The following BACE2 variants were observed in gnomAD, a reference collection of about 807,000 sequenced individuals.
The protein encoded by BACE2 is 56 kDa aspartic-like protease.
In BACE2, 17 loss-of-function variants were observed where a neutral mutation model predicts 46.2. The observed-to-expected ratio is 0.37, with a 90% CI of 0.25 to 0.55. The LOEUF is 0.55. Ranked by LOEUF, BACE2 falls within the 20% of genes least tolerant of loss-of-function variation. The pLI is 0.82. For synonymous variants in BACE2, 277 were observed against 295.9 expected, an observed-to-expected ratio of 0.94 and a Z score of 0.66; for missense variants, 595 against 698.1, an observed-to-expected ratio of 0.85 and a Z score of 1.66.
intron 1 of BACE2, among the ~76,000 whole-genome samples, chr21:41,218,092 G>A (rs111568009): frequency 9.8e-5 from 15 of 152,306 alleles, no homozygotes; most frequent in East Asian, 9.6e-4. Context: ...AGTGAGTCCC[G>A]TTTTCCAGGA....
intron 8 of BACE2, among the ~76,000 whole-genome samples, chr21:41,267,371 A>G (rs940038009): frequency 1.3e-5 from 2 of 152,182 alleles, no homozygotes; most frequent in African/African-American, 4.8e-5. Context: ...CAAGTGTCCT[A>G]CGGCTACGAA....
At chr21:41,265,192 C>T (rs148325872) in intron 8 of BACE2, among the ~76,000 whole-genome samples, 430 of 145,820 alleles carry the variant, frequency 2.9e-3, no homozygotes, top group African/African-American at 0.01. Context: ...TTTTTTCAAG[C>T]CTCATAGTTT....
rs1296858901 is a variant in BACE2, at chr21:41,193,238, G to T, written c.312+24663G>T. Among the ~76,000 whole-genome samples the T allele has an allele frequency of 1.3e-5, 2 of 152,204 alleles. No homozygotes were observed. The highest frequency in any genetic ancestry group is 4.8e-5 in the African/African-American group (2 of 41,448). ...TGTATTGCCGGCCTTGCCAGCGGAA[G>T]GCAAATTGCTTCTGGTGGGCCTTAT... On this transcript the variant is annotated intron_variant, in intron 1 of 8. Transcript: ENST00000330333. This position sits in a 1 kb window ranked among gnomAD's most constrained non-coding sequence, Gnocchi z 4.2.
intron 1 of BACE2, 131 bp from the exon 2 acceptor site, chr21:41,226,132 GTCA>G: frequency 1.5e-6 from 1 of 658,520 alleles, no homozygotes; most frequent in South Asian, 2.0e-5. Flanking sequence ...TATTCTCCTC[GTCA>G]GTATACTTTT....
chr21:41,178,654 T>C (rs111859446), intron 1 of BACE2: 4,447 of 160,062 alleles, frequency 0.028, 203 homozygotes, highest in African/African-American at 0.097. Context: ...GGAGGATCAC[T>C]TGAGCTCAGG....
At chr21:41,256,656 C>T (rs1987794954) in intron 7 of BACE2, among the ~76,000 whole-genome samples, 1 of 152,274 alleles carries the variant, frequency 6.6e-6, no homozygotes, top group South Asian at 2.1e-4. Flanking sequence ...CTGGAAGCCC[C>T]ACTTTGACTT....
chr21:41,273,534 G>A (rs563479566), intron 8 of BACE2, among the ~76,000 whole-genome samples: 23 of 152,260 alleles, frequency 1.5e-4, no homozygotes, highest in African/African-American at 4.1e-4. Flanking sequence ...GCTCTGTTCC[G>A]CCCGGCTCTC....
At chr21:41,252,839 G>T (rs1987678484) in intron 7 of BACE2, among the ~76,000 whole-genome samples, 2 of 152,222 alleles carry the variant, frequency 1.3e-5, no homozygotes, top group Non-Finnish European at 2.9e-5. Context: ...TCTTTACGTT[G>T]TGGGGATGTG....
At chr21:41,188,282 A>G (rs1255318636) in intron 1 of BACE2, among the ~76,000 whole-genome samples, 1 of 152,158 alleles carries the variant, frequency 6.6e-6, no homozygotes, top group Non-Finnish European at 1.5e-5. Flanking sequence ...CTCTGTATCC[A>G]TGGACATATG....
chr21:41,168,948 C>G (rs1424174792), intron 1 of BACE2, among the ~76,000 whole-genome samples: 1 of 151,460 alleles, frequency 6.6e-6, no homozygotes, highest in East Asian at 2.0e-4. Context: ...GGGCGACGGG[C>G]TATTATGGGG....
chr21:41,177,080 A>G (rs9015), intron 1 of BACE2: 1 of 152,160 alleles, frequency 6.6e-6, no homozygotes, highest in South Asian at 2.1e-4. Context: ...GCCTTTTCCC[A>G]TGAATGAGAC....
Position 41,237,638 on chromosome 21 carries a change from A to G in BACE2, c.527A>G (p.Asn176Ser). 7 of 1,614,204 alleles carry G rather than the reference A, an allele frequency of 4.3e-6. No homozygotes were observed. Among genetic ancestry groups the G allele is most frequent in the Non-Finnish European group, 5.9e-6 (7 of 1,180,026 alleles). Residue 176 changes from asparagine (N) to serine (S), a missense_variant, in exon 3 of 9, where the codon AAC becomes AGC. Coordinates refer to ENST00000330333, the MANE Select transcript of BACE2 (RefSeq NM_012105.5). Reference sequence around the variant, plus strand: ...GGCTTCAATACTTCTTTTCTTGTCAACATTGCCACTATTTTTGAATCAGAG... The same window carrying G: ...GGCTTCAATACTTCTTTTCTTGTCAGCATTGCCACTATTTTTGAATCAGAG... ...PKGFNTSFLV[N>S]IATIFESENF...
At chr21:41,248,194 G>A (rs898894082) in intron 6 of BACE2, among the ~76,000 whole-genome samples, 3 of 152,120 alleles carry the variant, frequency 2.0e-5, no homozygotes, top group Admixed American at 1.3e-4. Context: ...CCTCTCTACG[G>A]AGGAAATCCA....
rs774067338 is a variant in BACE2 at position 41,179,384 on chromosome 21, ATCCAGGGTGAGTGAGGGTG to A, written c.312+10831_312+10849del. On this transcript the variant is annotated intron_variant, in intron 1 of 8. Coordinates refer to ENST00000330333, the MANE Select transcript of BACE2 (RefSeq NM_012105.5). The stretch of plus-strand genomic sequence containing the variant: ...GGTGTCCAGGGTGAGGAGTGAGGGT[ATCCAGGGTGAGTGAGGGTG>A]TCCAGGGTGAGTGAGGGTGTCAGGG... 49 of 1,243,486 alleles carry A rather than the reference ATCCAGGGTGAGTGAGGGTG, an allele frequency of 3.9e-5. No homozygotes were observed. The East Asian group carries it at 2.2e-3, about 56-fold the overall frequency. The allele number at this position is 1,243,486 out of a possible 1,614,324, so 77.0% of individuals were successfully genotyped here.
At chr21:41,223,372 A>G (rs1986714921) in intron 1 of BACE2, among the ~76,000 whole-genome samples, 1 of 150,310 alleles carries the variant, frequency 6.7e-6, no homozygotes, top group African/African-American at 2.4e-5. Context: ...AAAAAACCCC[A>G]GGAATGTATT....
chr21:41,277,509 A>C lies in BACE2; in HGVS notation c.*1885A>C, dbSNP rs1416422041. The C allele has an allele frequency of 1.3e-5, 2 of 152,162 alleles. No homozygotes were observed. The highest frequency in any genetic ancestry group is 2.9e-5 in the Non-Finnish European group (2 of 68,034). 9.4% of individuals were successfully genotyped at this position (152,162 alleles called of 1,614,324 possible). ...TGTCTGGAAGTCCAATTCTCATCCC[A>C]TTGGCTTTTTCCGTGGTTGCTGTTT... is the stretch of plus-strand genomic sequence containing the variant. On this transcript the variant is annotated 3_prime_UTR_variant, in exon 9 of 9. Coordinates refer to ENST00000330333, the MANE Select transcript of BACE2 (RefSeq NM_012105.5).
At chr21:41,216,464 G>A (rs1986469850) in intron 1 of BACE2, among the ~76,000 whole-genome samples, 1 of 152,244 alleles carries the variant, frequency 6.6e-6, no homozygotes, top group Admixed American at 6.5e-5. Context: ...TGTGCTGAAT[G>A]CCTGGGCAAT....
At chr21:41,197,016 C>CCATGGCA (rs912687132) in intron 1 of BACE2, among the ~76,000 whole-genome samples, 3 of 152,122 alleles carry the variant, frequency 2.0e-5, no homozygotes, top group African/African-American at 7.2e-5. Flanking sequence ...AGGCTGAGTG[C>CCATGGCA]CATGGCACAG....
chr21:41,239,008 G>A (rs1242938284), intron 3 of BACE2, among the ~76,000 whole-genome samples: 5 of 146,918 alleles, frequency 3.4e-5, no homozygotes, highest in Non-Finnish European at 7.5e-5. Context: ...AGCTCTCCTG[G>A]CCCTGTACCT....
Sources: gnomAD v4.1 joint callset for allele counts (sites outside exome capture counted in the v4.1 genomes callset) on GRCh38, gnomAD v4.1.1 for gene constraint, Gnocchi (gnomAD v3.1) non-coding constraint, MANE v1.5 for transcripts, NCBI Gene and HGNC (gene_info 2026-07-23, HGNC 2026-07-21) for gene names.